PPIH: variants seen among roughly 807,000 people sequenced by gnomAD.
PPIH encodes peptidyl-prolyl cis-trans isomerase H.
Under a neutral mutation model 27.6 loss-of-function variants are expected in PPIH, and 16 were observed. The observed-to-expected ratio is 0.58, with a 90% CI of 0.39 to 0.88. The LOEUF is 0.88. Among genes scored for constraint, PPIH ranks in the 40% least tolerant of loss-of-function variants. PPIH has a pLI of 0.00. For missense variants in PPIH, 155 were observed against 224.1 expected (o/e 0.69, Z 1.97); for synonymous variants, 63 against 76.1 (o/e 0.83, Z 0.90).
chr1:42,664,929 C>T lies in PPIH; in HGVS notation c.310C>T (p.His104Tyr). 1.2e-6 allele frequency: 2 copies of T among 1,613,934 alleles called. No individual in the cohort carries two copies. Among genetic ancestry groups the T allele is most frequent in the Non-Finnish European group, 1.7e-6 (2 of 1,179,914 alleles). ...PFADENFKLR[H>Y]SAPGLLSMAN... is the part of the protein sequence containing the mutation. ...TGCAGATGAAAATTTTAAACTTAGA[C>T]ACTCAGCTCCAGGCCTGCTTTCCAT... Residue 104 changes from histidine (H) to tyrosine (Y), a missense_variant, in exon 6 of 10, where the codon CAC becomes TAC. Physicochemically the swap from His to Tyr is moderately conservative, Grantham distance 83. Around this residue, in one of 2 missense-constraint regions of PPIH, gnomAD observed 96 missense variants for 175.3 expected, o/e 0.55. Coordinates refer to ENST00000304979, the MANE Select transcript of PPIH (RefSeq NM_006347.4).
At chr1:42,661,258 T>C (rs1003593410) in intron 5 of PPIH, among the ~76,000 whole-genome samples, 2 of 152,334 alleles carry the variant, frequency 1.3e-5, no homozygotes, top group East Asian at 3.9e-4. Context: ...TTTTTGTTTT[T>C]TTCTGAATGG....
intron 5 of PPIH, 22 bp downstream of exon 5, chr1:42,660,926 T>A (rs775361884): frequency 6.3e-7 from 1 of 1,597,606 alleles, no homozygotes; most frequent in African/African-American, 1.3e-5. Flanking sequence ...TCCTTTCCTA[T>A]CAAAGACCCG....
At chr1:42,662,106 C>T (rs1157671989) in intron 5 of PPIH, among the ~76,000 whole-genome samples, 1 of 152,186 alleles carries the variant, frequency 6.6e-6, no homozygotes, top group Non-Finnish European at 1.5e-5. Flanking sequence ...AGAAGCTATC[C>T]TCTGCCTTCT....
At chr1:42,663,184 A>G (rs1163728116) in intron 5 of PPIH, among the ~76,000 whole-genome samples, 1 of 152,176 alleles carries the variant, frequency 6.6e-6, no homozygotes, top group Non-Finnish European at 1.5e-5. Context: ...ATTAATATGT[A>G]TGTGTAGTTA....
intron 9 of PPIH, among the ~76,000 whole-genome samples, chr1:42,669,498 T>G (rs1419831481): frequency 6.6e-6 from 1 of 152,220 alleles, no homozygotes; most frequent in Admixed American, 6.5e-5. Context: ...GGTTTCATCA[T>G]GTTGGCCAGG....
downstream of PPIH, among the ~76,000 whole-genome samples, chr1:42,680,695 A>G (rs1649995625): frequency 6.6e-6 from 1 of 152,104 alleles, no homozygotes; most frequent in African/African-American, 2.4e-5. Context: ...GGGTCAGCCG[A>G]CTACACTCCG....
downstream of PPIH, among the ~76,000 whole-genome samples, chr1:42,680,441 T>C (rs544217575): frequency 1.3e-4 from 20 of 152,244 alleles, no homozygotes; most frequent in South Asian, 6.2e-4. Flanking sequence ...CCTGGAAGGT[T>C]GGACAGGGAA....
Position 42,659,483 on chromosome 1 carries a change from A to C in PPIH, c.156-39A>C, listed in dbSNP as rs760586468. On this transcript the variant is annotated intron_variant, in intron 3 of 9. Coordinates refer to ENST00000304979, the MANE Select transcript of PPIH (RefSeq NM_006347.4). The stretch of plus-strand genomic sequence containing the variant: ...TGGTAAACTGGAAAGGCCTTGTGCT[A>C]CCTGCTGTCACTCCAAGTCTCTTTC... 5.0e-6 allele frequency: 8 copies of C among 1,614,052 alleles called. No homozygotes were observed. In the African/African-American group the frequency reaches 1.1e-4, roughly 22 times the overall value.
At chr1:42,671,805 G>A (rs1323397436) in intron 9 of PPIH, among the ~76,000 whole-genome samples, 6 of 151,962 alleles carry the variant, frequency 3.9e-5, no homozygotes, top group Non-Finnish European at 8.8e-5. Context: ...TGAAAGAGGA[G>A]ATGAATTTCC....
intron 5 of PPIH, 116 bp downstream of exon 5, chr1:42,661,020 T>G: frequency 1.1e-6 from 1 of 940,914 alleles, no homozygotes; most frequent in Non-Finnish European, 1.7e-6. Context: ...AATAGCCAGG[T>G]TTGATGTGGG....
intron 4 of PPIH, among the ~76,000 whole-genome samples, chr1:42,660,532 C>A (rs1033707385): frequency 6.6e-6 from 1 of 152,144 alleles, no homozygotes; most frequent in Admixed American, 6.5e-5. Flanking sequence ...TGGGTTCAAG[C>A]AATTCTTCTG....
intron 7 of PPIH, 64 bp downstream of exon 7, chr1:42,666,131 T>A (rs1246262191): frequency 2.7e-6 from 4 of 1,482,500 alleles, no homozygotes; most frequent in Non-Finnish European, 2.8e-6. Context: ...TCCAGAGGAG[T>A]TAGTTCTCAA....
chr1:42,681,179 C>T (rs1260458106), downstream of PPIH: 1 of 152,150 alleles, frequency 6.6e-6, no homozygotes, highest in Non-Finnish European at 1.5e-5. Context: ...TTGCTCTTCT[C>T]ACTCTTCCCC....
At chr1:42,663,025 G>C (rs1219744076) in intron 5 of PPIH, among the ~76,000 whole-genome samples, 3 of 152,072 alleles carry the variant, frequency 2.0e-5, no homozygotes, top group Non-Finnish European at 1.5e-5. Flanking sequence ...GCTTTCTATT[G>C]TTTGCTCCAA....
At chr1:42,659,680 G>A (rs1648895828) in intron 4 of PPIH, 114 bp downstream of exon 4, 1 of 1,462,292 alleles carries the variant, frequency 6.8e-7, no homozygotes, top group Non-Finnish European at 9.1e-7. Context: ...GAGAAGAAAT[G>A]TTTTTGTGGA....
chr1:42,658,633 A>C, intron 1 of PPIH, 121 bp downstream of exon 1: 1 of 1,220,998 alleles, frequency 8.2e-7, no homozygotes. Flanking sequence ...TTGCACCCGA[A>C]CCTACCGACC....
At chr1:42,660,018 T>C (rs1648916525) in intron 4 of PPIH, among the ~76,000 whole-genome samples, 1 of 152,232 alleles carries the variant, frequency 6.6e-6, no homozygotes, top group African/African-American at 2.4e-5. Flanking sequence ...AGTAACAATG[T>C]TAGCACATAA....
chr1:42,671,945 G>A (rs1020087780), intron 9 of PPIH, among the ~76,000 whole-genome samples: 11 of 150,558 alleles, frequency 7.3e-5, no homozygotes, highest in Non-Finnish European at 1.3e-4. Context: ...GTGCAGTGGC[G>A]CGATCTCGGC....
In PPIH at chr1:42,667,457, C is replaced by T. The variant is rs983431138; in HGVS notation, c.*21+17C>T. ...CTGAATCAGGTAAGTGTGTCTTTCT[C>T]CTATTAGGTTAGGAATCAGACCTCA... On this transcript the variant is annotated intron_variant, in intron 9 of 9. Coordinates refer to ENST00000304979, the MANE Select transcript of PPIH (RefSeq NM_006347.4). 5.2e-6 allele frequency: 8 copies of T among 1,539,746 alleles called. No homozygotes were observed. The African/African-American group carries it at 1.1e-4, about 21-fold the overall frequency.
Sources: allele counts gnomAD v4.1 joint callset (sites outside exome capture counted in the v4.1 genomes callset), GRCh38; gene constraint gnomAD v4.1.1; regional missense constraint gnomAD v4.1.1; transcripts MANE v1.5; gene names NCBI Gene and HGNC (gene_info 2026-07-23, HGNC 2026-07-21).